Variants in UVRAG observed in about 807,000 individuals in gnomAD.
The protein encoded by UVRAG is UV radiation resistance associated.
A neutral mutation model predicts 78.0 loss-of-function variants in UVRAG; 19 were observed. The ratio of observed to expected loss-of-function variants is 0.24; its 90% CI spans 0.17 to 0.36. UVRAG has a LOEUF of 0.36. Among genes scored for constraint, UVRAG ranks in the 10% least tolerant of loss-of-function variants. The pLI is 1.00. For synonymous variants in UVRAG, 323 were observed against 324.6 expected (o/e 1.00, Z 0.05); for missense variants, 740 against 853.8 (o/e 0.87, Z 1.66).
At chr11:76,041,205 G>C (rs1336448252) in intron 12 of UVRAG, among the ~76,000 whole-genome samples, 1 of 144,336 alleles carries the variant, frequency 6.9e-6, no homozygotes, top group Non-Finnish European at 1.5e-5. Context: ...TGGTCTGATG[G>C]ATTTATTGGG....
At chr11:75,848,081 C>G (rs1487120487) in intron 1 of UVRAG, among the ~76,000 whole-genome samples, 2 of 151,418 alleles carry the variant, frequency 1.3e-5, no homozygotes, top group Admixed American at 6.6e-5. Context: ...GCCTGTGGTC[C>G]CAGCTACTTG....
In UVRAG at chr11:76,143,657, C is replaced by T. The variant is rs147368650; in HGVS notation, c.*2244C>T. 2.4e-3 allele frequency among the ~76,000 whole-genome samples: 360 copies of T among 152,324 alleles called. 2 individuals are homozygous for T. The highest frequency in any genetic ancestry group is 8.3e-3 in the African/African-American group (346 of 41,574). ...GTTTTCATTTGAACTTGTTTGATGT[C>T]TGCAGTTTCTGCCATGACCTGGGTA... On this transcript the variant is annotated 3_prime_UTR_variant, in exon 15 of 15. Transcript: ENST00000356136.
chr11:75,936,511 G>A (rs73493942), intron 6 of UVRAG, among the ~76,000 whole-genome samples: 13,678 of 152,026 alleles, frequency 0.09, 1,061 homozygotes, highest in African/African-American at 0.21. Context: ...TGTTTTATCC[G>A]GTGAATTATT....
At chr11:76,047,827 C>A (rs1264539084) in intron 12 of UVRAG, among the ~76,000 whole-genome samples, 1 of 152,174 alleles carries the variant, frequency 6.6e-6, no homozygotes, top group Non-Finnish European at 1.5e-5. Context: ...AGTAACTGGG[C>A]AAGTCATTAT....
intron 12 of UVRAG, among the ~76,000 whole-genome samples, chr11:76,053,412 C>T (rs550130045): frequency 2.0e-4 from 30 of 152,162 alleles, no homozygotes; most frequent in African/African-American, 5.8e-4. Context: ...CCATCTGCCT[C>T]GTTTCTCAAT....
chr11:76,015,286 G>A (rs1459938224), intron 11 of UVRAG, among the ~76,000 whole-genome samples: 3 of 152,128 alleles, frequency 2.0e-5, no homozygotes, highest in African/African-American at 7.2e-5. Flanking sequence ...AGGATTGCTC[G>A]AGCCCAGGAG....
intron 3 of UVRAG, among the ~76,000 whole-genome samples, chr11:75,868,166 C>T (rs1197256604): frequency 6.6e-6 from 1 of 152,132 alleles, no homozygotes; most frequent in Non-Finnish European, 1.5e-5. Flanking sequence ...GCAGCAGTCA[C>T]ATGGGAGATG....
rs1035381146 is a variant in UVRAG, at chr11:75,932,300, T to G, written c.593+20261T>G. 4.0e-5 allele frequency among the ~76,000 whole-genome samples: 6 copies of G among 149,772 alleles called. No individual in the cohort carries two copies. In the South Asian group the frequency reaches 1.1e-3, roughly 26 times the overall value. The stretch of plus-strand genomic sequence containing the variant: ...TTATTTATTTATTTATTTATTTATT[T>G]ATTGAGATGGAGTCTCACTCTGTCA... On this transcript the variant is annotated intron_variant, in intron 6 of 14. Transcript: ENST00000356136.
At chr11:75,921,894 T>A (rs572737699) in intron 6 of UVRAG, among the ~76,000 whole-genome samples, 1 of 152,278 alleles carries the variant, frequency 6.6e-6, no homozygotes, top group African/African-American at 2.4e-5. Context: ...CTTTTTTTGT[T>A]TATCTTATCC....
intron 12 of UVRAG, among the ~76,000 whole-genome samples, chr11:76,025,685 G>A (rs1044713199): frequency 1.3e-5 from 2 of 152,088 alleles, no homozygotes; most frequent in African/African-American, 2.4e-5. Flanking sequence ...TTACCTGATT[G>A]ATTCTGATTT....
intron 3 of UVRAG, among the ~76,000 whole-genome samples, chr11:75,877,695 G>A (rs1356994613): frequency 1.1e-4 from 14 of 130,818 alleles, no homozygotes; most frequent in African/African-American, 3.0e-4. Context: ...GGGCAGAGGC[G>A]CCCCTCACCT....
intron 5 of UVRAG, among the ~76,000 whole-genome samples, chr11:75,898,808 A>G (rs1040736141): frequency 2.6e-5 from 4 of 152,164 alleles, no homozygotes; most frequent in Admixed American, 2.0e-4. Context: ...AACCCAGAGA[A>G]GTTAAGAGAT....
intron 14 of UVRAG, among the ~76,000 whole-genome samples, chr11:76,133,735 G>A (rs887079543): frequency 5.9e-5 from 9 of 151,998 alleles, no homozygotes; most frequent in Non-Finnish European, 1.3e-4. Flanking sequence ...TACCTCAAAG[G>A]ATTCTGGGAA....
chr11:76,012,770 G>A (rs1459921202), intron 11 of UVRAG, among the ~76,000 whole-genome samples: 2 of 150,894 alleles, frequency 1.3e-5, no homozygotes, highest in Non-Finnish European at 2.9e-5. Flanking sequence ...TCCACTGACC[G>A]AGACATTTAG....
At chr11:75,975,140 T>TGTCAG (rs1949210785) in intron 7 of UVRAG, among the ~76,000 whole-genome samples, 1 of 152,232 alleles carries the variant, frequency 6.6e-6, no homozygotes, top group African/African-American at 2.4e-5. Flanking sequence ...TAGGATTTCT[T>TGTCAG]GTTTTTGTCA....
At chr11:76,024,284 T>C (rs1389697287) in intron 12 of UVRAG, among the ~76,000 whole-genome samples, 1 of 152,198 alleles carries the variant, frequency 6.6e-6, no homozygotes, top group Non-Finnish European at 1.5e-5. Flanking sequence ...TCAAGTAGCA[T>C]GCCCCAGTGT....
chr11:75,909,883 T>C (rs907860269), intron 5 of UVRAG, among the ~76,000 whole-genome samples: 5 of 152,190 alleles, frequency 3.3e-5, no homozygotes, highest in Admixed American at 3.3e-4. Context: ...TGTCTCTGTC[T>C]AGTTTTGGCA....
At chr11:76,123,400 G>T (rs1952326539) in intron 14 of UVRAG, among the ~76,000 whole-genome samples, 1 of 152,192 alleles carries the variant, frequency 6.6e-6, no homozygotes, top group African/African-American at 2.4e-5. Context: ...AACTTCATTG[G>T]TTAAGAAACA....
chr11:76,141,171 G>T lies in UVRAG; in HGVS notation c.1858G>T (p.Val620Phe), dbSNP rs201509843. The T allele has an allele frequency of 6.2e-7, 1 of 1,614,150 alleles. No individual in the cohort carries two copies. Among genetic ancestry groups the T allele is most frequent in the Non-Finnish European group, 8.5e-7 (1 of 1,180,030 alleles). Residue 620 changes from valine to phenylalanine, a missense_variant, in exon 15 of 15, where the codon GTC (valine) becomes TTC (phenylalanine). Physicochemically the swap from Val to Phe is conservative, Grantham distance 50. Coordinates refer to ENST00000356136, the MANE Select transcript of UVRAG (RefSeq NM_003369.4). ...CCAGCTTCCAGGCGAGTTCCACCCA[G>T]TCTCAGAAGCTGAGCTCTGCTGTAC... ...SVQLPGEFHPVSEAELCCTVE... is the reference protein window; with the variant it reads ...SVQLPGEFHPFSEAELCCTVE...
Sources: allele counts gnomAD v4.1 joint callset (sites outside exome capture counted in the v4.1 genomes callset), GRCh38; gene constraint gnomAD v4.1.1; transcripts MANE v1.5; gene names NCBI Gene and HGNC (gene_info 2026-07-23, HGNC 2026-07-21).